KDM4C: variants seen among roughly 807,000 people sequenced by gnomAD.
KDM4C encodes the protein lysine-specific demethylase 4C.
Under a neutral mutation model 129.3 loss-of-function variants are expected in KDM4C, and 81 were observed. That is an observed-to-expected ratio of 0.63 (90% CI 0.52 to 0.75). The LOEUF (loss-of-function observed/expected upper bound fraction) is 0.75. Among genes scored for constraint, KDM4C ranks in the 30% least tolerant of loss-of-function variants. KDM4C has a pLI of 0.00. For missense variants in KDM4C, 1,457 were observed against 1,304.0 expected, an observed-to-expected ratio of 1.12 and a Z score of -1.81; for synonymous variants, 573 against 456.1, an observed-to-expected ratio of 1.26 and a Z score of -3.26.
chr9:6,851,066 T>C (rs1029283674), intron 5 of KDM4C, among the ~76,000 whole-genome samples: 4 of 152,310 alleles, frequency 2.6e-5, no homozygotes, highest in Admixed American at 1.3e-4. Context: ...AATGAAACTT[T>C]TTAATAGGTG....
intron 17 of KDM4C, 127 bp from the exon 18 acceptor site, chr9:7,103,558 G>A: frequency 1.4e-6 from 1 of 735,992 alleles, no homozygotes; most frequent in Non-Finnish European, 2.2e-6. Flanking sequence ...GGAGGGGTCA[G>A]GACTTGTTGA....
At chr9:6,782,055 C>G (rs561374224) in intron 1 of KDM4C, among the ~76,000 whole-genome samples, 28 of 152,176 alleles carry the variant, frequency 1.8e-4, no homozygotes, top group African/African-American at 6.5e-4. Flanking sequence ...GAACTCCTGA[C>G]CTCAGGTGAT....
In KDM4C at chr9:7,115,378, AAATT is replaced by A. The variant is rs553843896; in HGVS notation, c.2610+11511_2610+11514del. ...AGAATCGTCTGATAGCTTGTTAAGAAAATTAAGTAGTGACACTAATCTCATATTT... is the reference window on the plus strand; with the variant it reads ...AGAATCGTCTGATAGCTTGTTAAGAAAAGTAGTGACACTAATCTCATATTT... On this transcript the variant is annotated intron_variant, in intron 18 of 21. Coordinates refer to ENST00000381309, the MANE Select transcript of KDM4C (RefSeq NM_015061.6). Among the ~76,000 whole-genome samples the A allele has an allele frequency of 1.2e-4, 19 of 152,306 alleles. 1 individual carries two copies. In the South Asian group the frequency reaches 3.7e-3, roughly 30 times the overall value.
At chr9:6,981,205 T>G in intron 9 of KDM4C, 87 bp downstream of exon 9, 1 of 1,034,322 alleles carries the variant, frequency 9.7e-7, no homozygotes, top group Non-Finnish European at 1.4e-6. Flanking sequence ...TTTACTTGCT[T>G]TTTCTATTTA....
intron 5 of KDM4C, among the ~76,000 whole-genome samples, chr9:6,854,535 A>AC (rs1159112865): frequency 6.8e-5 from 10 of 147,396 alleles, no homozygotes; most frequent in Admixed American, 2.7e-4. Context: ...CAAAAAAAAA[A>AC]AAAAAAAAAA....
At chr9:7,140,160 A>G (rs1470435357) in intron 19 of KDM4C, among the ~76,000 whole-genome samples, 1 of 152,034 alleles carries the variant, frequency 6.6e-6, no homozygotes, top group Admixed American at 6.5e-5. Flanking sequence ...GCCAGCTGTG[A>G]CCAATTATTA....
At chr9:7,091,898 C>T (rs556830483) in intron 17 of KDM4C, among the ~76,000 whole-genome samples, 4 of 152,322 alleles carry the variant, frequency 2.6e-5, no homozygotes, top group African/African-American at 9.6e-5. Context: ...TGTCCTGACA[C>T]AGGTCTCAGA....
At chr9:6,936,742 T>C (rs1312691917) in intron 8 of KDM4C, among the ~76,000 whole-genome samples, 1 of 152,202 alleles carries the variant, frequency 6.6e-6, no homozygotes, top group Non-Finnish European at 1.5e-5. Context: ...GCACAGGCTT[T>C]TGAGTAATAG....
At chr9:7,102,273 T>C (rs1160630508) in intron 17 of KDM4C, among the ~76,000 whole-genome samples, 1 of 151,498 alleles carries the variant, frequency 6.6e-6, no homozygotes, top group Non-Finnish European at 1.5e-5. Flanking sequence ...ATGAAGGGCC[T>C]TTTACAAACT....
At chr9:6,844,718 C>T (rs938040258) in intron 4 of KDM4C, among the ~76,000 whole-genome samples, 4 of 152,102 alleles carry the variant, frequency 2.6e-5, no homozygotes, top group Non-Finnish European at 4.4e-5. Flanking sequence ...GATGGAGTCT[C>T]GCTTTGTTGC....
At chr9:7,156,913 G>A (rs1382715054) in intron 19 of KDM4C, among the ~76,000 whole-genome samples, 2 of 152,192 alleles carry the variant, frequency 1.3e-5, no homozygotes, top group Admixed American at 1.3e-4. Flanking sequence ...GCTTGATGGG[G>A]ATGGCATTGA....
chr9:6,888,053 C>T lies in KDM4C; in HGVS notation c.773C>T (p.Pro258Leu). 1 of 1,553,152 alleles carries T rather than the reference C, an allele frequency of 6.4e-7. No individual in the cohort carries two copies. Among genetic ancestry groups the T allele is most frequent in the Non-Finnish European group, 8.9e-7 (1 of 1,129,376 alleles). The change falls in exon 7 of 22, where the codon CCC becomes CTC. Residue 258 changes from proline to leucine, a missense_variant. By Grantham distance (98) the Pro-to-Leu change is moderately conservative. Transcript: ENST00000381309. ...SPSVLKKYGI[P>L]FDKITQEAGE... ...TCAGTATTGAAGAAATATGGTATTC[C>T]CTTTGACAAGGTATGTTAGTATTCA...
chr9:7,158,780 A>C (rs1345278001), intron 19 of KDM4C, among the ~76,000 whole-genome samples: 1 of 152,206 alleles, frequency 6.6e-6, no homozygotes, highest in Non-Finnish European at 1.5e-5. Flanking sequence ...CAATTTTAGA[A>C]TAAGTGCAAT....
intron 8 of KDM4C, among the ~76,000 whole-genome samples, chr9:6,976,983 T>G (rs1316180417): frequency 6.6e-6 from 1 of 152,156 alleles, no homozygotes; most frequent in Non-Finnish European, 1.5e-5. Flanking sequence ...TCATTTGGGC[T>G]TATTTGTTTT....
intron 17 of KDM4C, among the ~76,000 whole-genome samples, chr9:7,098,973 CTCT>C (rs1836772851): frequency 6.6e-6 from 1 of 151,822 alleles, no homozygotes; most frequent in Non-Finnish European, 1.5e-5. Flanking sequence ...AGCCTCGATC[CTCT>C]GACTTGCCTG....
intron 15 of KDM4C, among the ~76,000 whole-genome samples, chr9:7,017,219 C>G (rs1214052970): frequency 6.6e-6 from 1 of 152,206 alleles, no homozygotes; most frequent in African/African-American, 2.4e-5. Flanking sequence ...TTATAGGTAT[C>G]AGCCCCTGTG....
chr9:6,992,130 T>C lies in KDM4C; in HGVS notation c.1786+1606T>C, dbSNP rs571031842. 4.6e-5 allele frequency among the ~76,000 whole-genome samples: 7 copies of C among 152,310 alleles called. No individual in the cohort carries two copies. The South Asian group carries it at 1.2e-3, about 27-fold the overall frequency. ...AATACTTAATGTATAATGCTCATGA[T>C]TGTAATTTCCCTTTCCCATGGTAGA... is the stretch of plus-strand genomic sequence containing the variant. On this transcript the variant is annotated intron_variant, in intron 12 of 21. Coordinates refer to ENST00000381309, the MANE Select transcript of KDM4C (RefSeq NM_015061.6).
chr9:7,126,042 A>G (rs1261276086), intron 18 of KDM4C, among the ~76,000 whole-genome samples: 2 of 152,210 alleles, frequency 1.3e-5, no homozygotes, highest in African/African-American at 4.8e-5. Flanking sequence ...AACCCAAATG[A>G]CAACAAACTA....
chr9:6,994,404 C>T (rs979348844), intron 12 of KDM4C, among the ~76,000 whole-genome samples: 1 of 152,178 alleles, frequency 6.6e-6, no homozygotes, highest in Admixed American at 6.5e-5. Flanking sequence ...AATCCCTTGT[C>T]ACCACTCACC....
Sources: allele counts gnomAD v4.1 joint callset (sites outside exome capture counted in the v4.1 genomes callset), GRCh38; gene constraint gnomAD v4.1.1; transcripts MANE v1.5; gene names NCBI Gene and HGNC (gene_info 2026-07-23, HGNC 2026-07-21).